DAB1: variants seen among roughly 807,000 people sequenced by gnomAD.
DAB1 encodes DAB adaptor protein 1.
In DAB1, 15 loss-of-function variants were observed where a neutral mutation model predicts 64.6. The ratio of observed to expected loss-of-function variants is 0.23; its 90% CI spans 0.16 to 0.36. DAB1 has a LOEUF of 0.36. Ranked by LOEUF, DAB1 falls within the 10% of genes least tolerant of loss-of-function variation. DAB1 has a pLI of 1.00. For synonymous variants in DAB1, 235 were observed against 251.9 expected (o/e 0.93, Z 0.64); for missense variants, 596 against 706.7 (o/e 0.84, Z 1.78).
intron 4 of DAB1, among the ~76,000 whole-genome samples, chr1:57,094,586 A>C (rs2100670389): frequency 6.6e-6 from 1 of 152,354 alleles, no homozygotes; most frequent in Middle Eastern, 3.4e-3. Flanking sequence ...AATTACAATT[A>C]CACATTCACT....
At chr1:58,014,607 A>G (rs748460238) in intron 5 of DAB1, among the ~76,000 whole-genome samples, 7 of 152,200 alleles carry the variant, frequency 4.6e-5, no homozygotes, top group Non-Finnish European at 1.0e-4. Context: ...TTGCCCCCAT[A>G]AATTATGATT....
At chr1:57,100,811 G>A (rs1654611823) in intron 4 of DAB1, among the ~76,000 whole-genome samples, 1 of 152,086 alleles carries the variant, frequency 6.6e-6, no homozygotes, top group South Asian at 2.1e-4. Context: ...TAGGCACAGG[G>A]TCATCAGGGG....
chr1:57,705,116 C>G (rs989765337), intron 6 of DAB1, among the ~76,000 whole-genome samples: 1 of 152,124 alleles, frequency 6.6e-6, no homozygotes, highest in Non-Finnish European at 1.5e-5. Flanking sequence ...ACATAGTATT[C>G]TACTCATAGT....
At chr1:57,082,674 T>C in intron 4 of DAB1, among the ~76,000 whole-genome samples, 1 of 152,120 alleles carries the variant, frequency 6.6e-6, no homozygotes, top group Non-Finnish European at 1.5e-5. Context: ...CCTGATGTTC[T>C]CCCTCCCCCT....
chr1:58,463,032 A>G (rs975231446), intron 3 of DAB1, among the ~76,000 whole-genome samples: 7 of 152,224 alleles, frequency 4.6e-5, no homozygotes, highest in Admixed American at 3.9e-4. Context: ...GTGCTTCATA[A>G]GCAATGTCAT....
chr1:58,343,096 C>T (rs545014170), intron 4 of DAB1, among the ~76,000 whole-genome samples: 15 of 152,292 alleles, frequency 9.8e-5, no homozygotes, highest in African/African-American at 3.1e-4. Flanking sequence ...TCAAATGTTC[C>T]ATCCAGCCCC....
At chr1:58,339,243 T>C (rs1387449343) in intron 4 of DAB1, among the ~76,000 whole-genome samples, 1 of 152,198 alleles carries the variant, frequency 6.6e-6, no homozygotes, top group Non-Finnish European at 1.5e-5. Flanking sequence ...ATAAGATTCA[T>C]GAAGGAGATG....
chr1:57,200,492 G>A (rs1179730673), intron 2 of DAB1, among the ~76,000 whole-genome samples: 1 of 152,172 alleles, frequency 6.6e-6, no homozygotes, highest in Non-Finnish European at 1.5e-5. Flanking sequence ...GTAGTGTGGA[G>A]GCAGAGAGCC....
chr1:57,680,467 T>C (rs1646623334), intron 6 of DAB1, among the ~76,000 whole-genome samples: 2 of 152,214 alleles, frequency 1.3e-5, no homozygotes. Flanking sequence ...TTTCCTTCCT[T>C]TTCCATTGTT....
At chr1:57,065,643 T>G (rs562607746) in intron 8 of DAB1, among the ~76,000 whole-genome samples, 43 of 152,238 alleles carry the variant, frequency 2.8e-4, no homozygotes, top group Non-Finnish European at 2.5e-4. Context: ...CTCTCATCTC[T>G]GCTTAGCTGT....
intron 3 of DAB1, among the ~76,000 whole-genome samples, chr1:58,344,872 A>G (rs1643979026): frequency 2.7e-5 from 1 of 36,536 alleles, no homozygotes; most frequent in African/African-American, 1.2e-4. Context: ...CTTATTGAAT[A>G]CTCAAAATAT....
At chr1:58,535,301 T>TC (rs1381001862) in intron 1 of DAB1, among the ~76,000 whole-genome samples, 1 of 152,148 alleles carries the variant, frequency 6.6e-6, no homozygotes, top group Non-Finnish European at 1.5e-5. Context: ...ATGCTTTTTT[T>TC]CACTTAAGAA....
chr1:57,872,935 A>G (rs1181096416), intron 1 of DAB1, among the ~76,000 whole-genome samples: 2 of 152,194 alleles, frequency 1.3e-5, no homozygotes, highest in Non-Finnish European at 1.5e-5. Context: ...GTTTCCAATG[A>G]GTAAACACTT....
chr1:57,096,942 C>A (rs543147287), intron 4 of DAB1, among the ~76,000 whole-genome samples: 9 of 152,238 alleles, frequency 5.9e-5, no homozygotes, highest in Non-Finnish European at 1.3e-4. Context: ...GCTTACTGAT[C>A]ACAGCCCTTG....
chr1:57,144,004 CTG>C (rs1283206850), intron 3 of DAB1, among the ~76,000 whole-genome samples: 2 of 151,544 alleles, frequency 1.3e-5, no homozygotes, highest in East Asian at 3.9e-4. Context: ...AGACAGGAAA[CTG>C]TATAAATTTT....
chr1:57,818,622 A>G (rs1397267625), intron 6 of DAB1, among the ~76,000 whole-genome samples: 1 of 152,034 alleles, frequency 6.6e-6, no homozygotes, highest in African/African-American at 2.4e-5. Context: ...GTGAAACCCT[A>G]CGCATTAGGT....
rs1039505788 is a variant in DAB1 at position 57,072,532 on chromosome 1, T to C, written c.307-118A>G. The stretch of plus-strand genomic sequence containing the variant: ...GGCCCGAAGGGCTTTGGAAAAGCTG[T>C]TTAGTCCAGATGGAAAGAAAAAGAG... On this transcript the variant is annotated intron_variant, in intron 4 of 14. Transcript: ENST00000371236. The C allele has an allele frequency of 4.7e-6, 5 of 1,062,620 alleles. No individual in the cohort carries two copies. The Admixed American group carries it at 7.1e-5, about 15-fold the overall frequency. 65.8% of individuals were successfully genotyped at this position (1,062,620 alleles called of 1,614,324 possible). A position where few individuals can be genotyped will look rare whatever the true frequency, so the allele number is the denominator to read the frequency against.
At chr1:57,319,715 A>T (rs543320446) in intron 1 of DAB1, among the ~76,000 whole-genome samples, 1 of 152,302 alleles carries the variant, frequency 6.6e-6, no homozygotes, top group African/African-American at 2.4e-5. Context: ...TCTGGCTAGA[A>T]GTGGCACTAT....
chr1:57,315,252 C>CA (rs1306468169), intron 1 of DAB1, among the ~76,000 whole-genome samples: 1 of 152,150 alleles, frequency 6.6e-6, no homozygotes, highest in East Asian at 1.9e-4. Context: ...TGTATCATTT[C>CA]AAACTATTTA....
Sources: gnomAD v4.1 joint callset for allele counts (sites outside exome capture counted in the v4.1 genomes callset) on GRCh38, gnomAD v4.1.1 for gene constraint, MANE v1.5 for transcripts, NCBI Gene and HGNC (gene_info 2026-07-23, HGNC 2026-07-21) for gene names.